The following TAF3 variants were observed in gnomAD, a reference collection of about 807,000 sequenced individuals.
TAF3 encodes TATA-box binding protein associated factor 3.
In TAF3, 7 loss-of-function variants were observed where a neutral mutation model predicts 80.6. That is an observed-to-expected ratio of 0.09 (90% CI 0.05 to 0.16). The LOEUF (loss-of-function observed/expected upper bound fraction) is 0.16. Ranked by LOEUF, TAF3 falls within the 10% of genes least tolerant of loss-of-function variation. The pLI, the probability that TAF3 is intolerant of heterozygous loss-of-function variation, is 1.00. For synonymous variants in TAF3, 444 were observed against 446.1 expected, an observed-to-expected ratio of 1.00 and a Z score of 0.06; for missense variants, 921 against 1,140.2, an observed-to-expected ratio of 0.81 and a Z score of 2.77.
At chr10:7,945,591 C>T (rs1339019945) in intron 2 of TAF3, among the ~76,000 whole-genome samples, 4 of 152,098 alleles carry the variant, frequency 2.6e-5, no homozygotes, top group Non-Finnish European at 4.4e-5. Flanking sequence ...CTGCAGCCCC[C>T]TACCTCCTCC....
chr10:7,983,001 T>C (rs2131423262), intron 4 of TAF3, among the ~76,000 whole-genome samples: 1 of 151,806 alleles, frequency 6.6e-6, no homozygotes, highest in Non-Finnish European at 1.5e-5. Flanking sequence ...GTAACAGAAA[T>C]CCAAATCAAA....
At chr10:7,864,930 A>T (rs149146741) in intron 2 of TAF3, among the ~76,000 whole-genome samples, 118 of 151,738 alleles carry the variant, frequency 7.8e-4, no homozygotes, top group Middle Eastern at 3.5e-3. Context: ...GAAGTTTTAT[A>T]GTTTTAGGTT....
At chr10:7,903,601 C>G (rs1402783756) in intron 2 of TAF3, among the ~76,000 whole-genome samples, 1 of 152,156 alleles carries the variant, frequency 6.6e-6, no homozygotes, top group Non-Finnish European at 1.5e-5. Flanking sequence ...ATTAGTTCAT[C>G]TTTGGAATTG....
intron 2 of TAF3, among the ~76,000 whole-genome samples, chr10:7,876,164 T>C (rs1837310530): frequency 6.6e-6 from 1 of 152,162 alleles, no homozygotes; most frequent in South Asian, 2.1e-4. Context: ...CGGTGTTTTA[T>C]ATTTTTCTTT....
At chr10:7,951,874 A>ACG (rs1372949104) in intron 2 of TAF3, among the ~76,000 whole-genome samples, 6 of 152,318 alleles carry the variant, frequency 3.9e-5, no homozygotes, top group African/African-American at 1.4e-4. Flanking sequence ...GGCACATCAT[A>ACG]CATGTCTCTA....
intron 2 of TAF3, among the ~76,000 whole-genome samples, chr10:7,918,283 G>A (rs1837731183): frequency 6.6e-6 from 1 of 152,200 alleles, no homozygotes; most frequent in Admixed American, 6.5e-5. Flanking sequence ...GAGTGGGAGA[G>A]AGAATGATCC....
chr10:7,984,000 G>A (rs1001423014), intron 4 of TAF3, among the ~76,000 whole-genome samples: 2 of 151,926 alleles, frequency 1.3e-5, no homozygotes, highest in East Asian at 3.9e-4. Context: ...TTAATGCTAG[G>A]GAAAGATGCT....
In TAF3 at chr10:7,981,983, A is replaced by G. The variant is rs368429464; in HGVS notation, c.2315+4660A>G. ...TTTTTGACAATAGTAGTGAAGAATA[A>G]TCATGGGCAGTTACAAAAATAATCA... On this transcript the variant is annotated intron_variant, in intron 4 of 6. Transcript: ENST00000344293. Among the ~76,000 whole-genome samples the G allele has an allele frequency of 4.6e-5, 7 of 152,330 alleles. No homozygotes were observed. In the East Asian group the frequency reaches 9.6e-4, roughly 21 times the overall value.
intron 2 of TAF3, among the ~76,000 whole-genome samples, chr10:7,898,745 T>A (rs1175497916): frequency 6.6e-6 from 1 of 152,130 alleles, no homozygotes. Flanking sequence ...TAATGTTTTT[T>A]CCTTTCACTC....
intron 2 of TAF3, among the ~76,000 whole-genome samples, chr10:7,882,351 T>C (rs1308823554): frequency 1.3e-5 from 2 of 152,144 alleles, no homozygotes. Context: ...GAGAAGTCAG[T>C]CTCTCAATAG....
At chr10:7,822,275 C>T (rs1052380761) in intron 1 of TAF3, among the ~76,000 whole-genome samples, 12 of 148,394 alleles carry the variant, frequency 8.1e-5, no homozygotes, top group Non-Finnish European at 8.9e-5. Flanking sequence ...CCGAAGGGGA[C>T]GGGGACAGGG....
intron 2 of TAF3, among the ~76,000 whole-genome samples, chr10:7,871,901 T>A (rs139545926): frequency 1.3e-5 from 2 of 152,354 alleles, no homozygotes; most frequent in African/African-American, 4.8e-5. Context: ...TATTTGTTCA[T>A]CACTTAAAAT....
intron 2 of TAF3, among the ~76,000 whole-genome samples, chr10:7,934,319 A>T (rs1003754965): frequency 7.2e-5 from 11 of 152,174 alleles, no homozygotes; most frequent in African/African-American, 2.4e-4. Context: ...TTTTTTCGTT[A>T]ATGGCACGTA....
chr10:7,985,877 G>A (rs556811961), intron 4 of TAF3, among the ~76,000 whole-genome samples: 1 of 149,552 alleles, frequency 6.7e-6, no homozygotes, highest in Non-Finnish European at 1.5e-5. Context: ...TCCGCCTCCT[G>A]GGTTCAAGTG....
chr10:8,009,923 T>G lies in TAF3; in HGVS notation c.2568+593T>G, dbSNP rs1832038188. Among the ~76,000 whole-genome samples, 1 of 152,038 alleles carries G rather than the reference T, an allele frequency of 6.6e-6. No homozygotes were observed. Among genetic ancestry groups the G allele is most frequent in the Non-Finnish European group, 1.5e-5 (1 of 67,996 alleles). On this transcript the variant is annotated intron_variant, in intron 5 of 6. Coordinates refer to ENST00000344293, the MANE Select transcript of TAF3 (RefSeq NM_031923.4). This position sits in a 1 kb window ranked among gnomAD's most constrained non-coding sequence, Gnocchi z 4.1. ...GCATGAGCCACCGTGCCCGGCTTTT[T>G]TTTTTTGAAAGGGGATTTCACTCTG...
rs185402884 is a variant in TAF3, at chr10:7,887,798, T to C, written c.409+63238T>C. Among the ~76,000 whole-genome samples the C allele has an allele frequency of 6.6e-3, 1,007 of 152,070 alleles. 8 individuals are homozygous for C. Among genetic ancestry groups the C allele is most frequent in the Middle Eastern group, 0.031 (9 of 294 alleles). ...ATACCTTTTGGTTTATTAAAATCCTTTATAATTTTAATTGGCCACTTAAAA... is the reference window on the plus strand; with the variant it reads ...ATACCTTTTGGTTTATTAAAATCCTCTATAATTTTAATTGGCCACTTAAAA... On this transcript the variant is annotated intron_variant, in intron 2 of 6. Coordinates refer to ENST00000344293, the MANE Select transcript of TAF3 (RefSeq NM_031923.4).
chr10:7,951,990 G>T (rs560030514), intron 2 of TAF3, among the ~76,000 whole-genome samples: 1 of 152,316 alleles, frequency 6.6e-6, no homozygotes, highest in South Asian at 2.1e-4. Flanking sequence ...GAATTGCAAT[G>T]AGATTAGTTT....
At position 7,839,640 on chromosome 10, in the gene TAF3, G is replaced by A. The variant is rs559347518; in HGVS notation, c.409+15080G>A. On this transcript the variant is annotated intron_variant, in intron 2 of 6. Transcript: ENST00000344293. ...AGATAGAAGAACAAAGGCTTGTATTGTGGCTCTTCGTTTGTTTCTTTTCCT... is the reference window on the plus strand; with the variant it reads ...AGATAGAAGAACAAAGGCTTGTATTATGGCTCTTCGTTTGTTTCTTTTCCT... Among the ~76,000 whole-genome samples, 30 of 152,292 alleles carry A rather than the reference G, an allele frequency of 2.0e-4. No individual in the cohort carries two copies. In the Middle Eastern group the frequency reaches 0.014, roughly 69 times the overall value.
chr10:7,841,203 G>A (rs180782746), intron 2 of TAF3, among the ~76,000 whole-genome samples: 278 of 152,248 alleles, frequency 1.8e-3, no homozygotes, highest in African/African-American at 6.4e-3. Context: ...CTTCTTTTAC[G>A]GTGGTTATAT....
Sources: allele counts gnomAD v4.1 joint callset (sites outside exome capture counted in the v4.1 genomes callset), GRCh38; gene constraint gnomAD v4.1.1; non-coding constraint Gnocchi (gnomAD v3.1); transcripts MANE v1.5; gene names NCBI Gene and HGNC (gene_info 2026-07-23, HGNC 2026-07-21).